The following SAMD12 variants were observed in gnomAD, a reference collection of about 807,000 sequenced individuals.
SAMD12 encodes the protein sterile alpha motif domain-containing protein 12.
A neutral mutation model predicts 15.0 loss-of-function variants in SAMD12; 9 were observed. That is an observed-to-expected ratio of 0.60 (90% CI 0.36 to 1.05). The LOEUF is 1.05. SAMD12 is among the 50% of genes least tolerant of loss of function. The pLI, the probability that SAMD12 is intolerant of heterozygous loss-of-function variation, is 0.01. For synonymous variants in SAMD12, 86 were observed against 90.1 expected (o/e 0.96, Z 0.25); for missense variants, 230 against 234.2 (o/e 0.98, Z 0.12).
At chr8:118,434,056 C>G (rs953240880) in intron 3 of SAMD12, among the ~76,000 whole-genome samples, 7 of 152,298 alleles carry the variant, frequency 4.6e-5, no homozygotes, top group African/African-American at 1.7e-4. Flanking sequence ...CCAGAAAAAT[C>G]AGCCCTGAAG....
chr8:118,369,035 T>A (rs1267558694), intron 4 of SAMD12, among the ~76,000 whole-genome samples: 2 of 152,252 alleles, frequency 1.3e-5, no homozygotes, highest in African/African-American at 4.8e-5. Flanking sequence ...TGTGTCTCTA[T>A]GATGGCATAC....
At chr8:118,557,547 G>GA (rs1212070490) in intron 2 of SAMD12, among the ~76,000 whole-genome samples, 1 of 152,148 alleles carries the variant, frequency 6.6e-6, no homozygotes, top group Non-Finnish European at 1.5e-5. Flanking sequence ...CGGTAGGTAG[G>GA]AAAGGGCAGA....
chr8:118,463,960 AG>A (rs1356783941), intron 2 of SAMD12, among the ~76,000 whole-genome samples: 1 of 152,166 alleles, frequency 6.6e-6, no homozygotes, highest in African/African-American at 2.4e-5. Context: ...GAATGTCCTT[AG>A]GGAGGTCATT....
intron 2 of SAMD12, among the ~76,000 whole-genome samples, chr8:118,524,024 A>T (rs1825465536): frequency 6.6e-6 from 1 of 151,988 alleles, no homozygotes; most frequent in African/African-American, 2.4e-5. Flanking sequence ...CAGCATATAA[A>T]CATCTTTTTA....
At chr8:118,209,035 C>G (rs1819945257) in intron 4 of SAMD12, among the ~76,000 whole-genome samples, 1 of 152,156 alleles carries the variant, frequency 6.6e-6, no homozygotes, top group East Asian at 1.9e-4. Flanking sequence ...TTACATAAAC[C>G]TCTTTGAATT....
intron 2 of SAMD12, among the ~76,000 whole-genome samples, chr8:118,536,646 A>G (rs184935395): frequency 6.2e-4 from 94 of 152,366 alleles, no homozygotes; most frequent in African/African-American, 2.2e-3. Flanking sequence ...GAAAACTAAT[A>G]AAAACTATAC....
At chr8:118,308,995 T>C (rs937942969) in intron 4 of SAMD12, among the ~76,000 whole-genome samples, 1 of 152,044 alleles carries the variant, frequency 6.6e-6, no homozygotes, top group Non-Finnish European at 1.5e-5. Flanking sequence ...AAATCTTTTA[T>C]TATTATTATT....
chr8:118,197,573 G>T, exon 5 of SAMD12: 1 of 816,868 alleles, frequency 1.2e-6, no homozygotes, highest in Non-Finnish European at 2.2e-6. Flanking sequence ...CTGAATGGGT[G>T]CTTTTTTCAG....
intron 2 of SAMD12, among the ~76,000 whole-genome samples, chr8:118,523,836 T>C (rs1282811349): frequency 1.3e-5 from 2 of 152,128 alleles, no homozygotes; most frequent in Non-Finnish European, 2.9e-5. Flanking sequence ...AGAAGCCATC[T>C]GAAAAGGCTT....
At chr8:118,590,674 TA>T (rs1346612591) in intron 1 of SAMD12, among the ~76,000 whole-genome samples, 4 of 152,164 alleles carry the variant, frequency 2.6e-5, no homozygotes, top group Non-Finnish European at 5.9e-5. Context: ...CTAGCTGAAA[TA>T]AAAGGTTTAA....
At chr8:118,478,475 G>A (rs1349628585) in intron 2 of SAMD12, among the ~76,000 whole-genome samples, 1 of 152,238 alleles carries the variant, frequency 6.6e-6, no homozygotes, top group Non-Finnish European at 1.5e-5. Context: ...TAAACCCAAG[G>A]AAAGGGAGGG....
At chr8:118,489,306 G>T (rs1824373424) in intron 2 of SAMD12, among the ~76,000 whole-genome samples, 1 of 151,916 alleles carries the variant, frequency 6.6e-6, no homozygotes, top group African/African-American at 2.4e-5. Context: ...TTTTTATTCT[G>T]CCATGTCTTG....
intron 2 of SAMD12, among the ~76,000 whole-genome samples, chr8:118,532,869 T>C (rs1825729950): frequency 6.6e-6 from 1 of 152,190 alleles, no homozygotes; most frequent in South Asian, 2.1e-4. Flanking sequence ...ATCAATTTTG[T>C]TGATCCTTTC....
At chr8:118,318,351 T>TACAC (rs1288280504) in intron 4 of SAMD12, among the ~76,000 whole-genome samples, 4 of 83,744 alleles carry the variant, frequency 4.8e-5, no homozygotes, top group East Asian at 3.0e-4. Flanking sequence ...TATATATATA[T>TACAC]ATATACATAT....
At chr8:118,293,346 T>C (rs916705791) in intron 4 of SAMD12, among the ~76,000 whole-genome samples, 5 of 152,214 alleles carry the variant, frequency 3.3e-5, no homozygotes, top group African/African-American at 1.2e-4. Flanking sequence ...ACTCTGATGA[T>C]TCATGATGAC....
intron 3 of SAMD12, among the ~76,000 whole-genome samples, chr8:118,416,969 A>C (rs1265493477): frequency 6.6e-6 from 1 of 152,222 alleles, no homozygotes; most frequent in Non-Finnish European, 1.5e-5. Context: ...ATTTCTGAAC[A>C]TCACCCCGGT....
At chr8:118,247,668 C>G (rs932617053) in intron 4 of SAMD12, among the ~76,000 whole-genome samples, 3 of 152,008 alleles carry the variant, frequency 2.0e-5, no homozygotes, top group African/African-American at 7.2e-5. Flanking sequence ...TCTCAGCTCA[C>G]TGCAACCTCC....
At chr8:118,309,282 G>A (rs1045455536) in intron 4 of SAMD12, among the ~76,000 whole-genome samples, 7 of 151,956 alleles carry the variant, frequency 4.6e-5, no homozygotes, top group African/African-American at 1.7e-4. Context: ...TTAGAATAAT[G>A]GTCTCTAATT....
intron 1 of SAMD12, among the ~76,000 whole-genome samples, chr8:118,609,794 T>C (rs1397155456): frequency 6.6e-6 from 1 of 152,148 alleles, no homozygotes; most frequent in African/African-American, 2.4e-5. Context: ...CAAATCCATA[T>C]AGTAACCTCT....
Sources: allele counts gnomAD v4.1 joint callset (sites outside exome capture counted in the v4.1 genomes callset), GRCh38; gene constraint gnomAD v4.1.1; transcripts MANE v1.5; gene names NCBI Gene and HGNC (gene_info 2026-07-23, HGNC 2026-07-21).